NEGR1: variants seen among roughly 807,000 people sequenced by gnomAD.
NEGR1 encodes neuronal growth regulator 1, also known as IgLON family member 4.
In NEGR1, 10 loss-of-function variants were observed where a neutral mutation model predicts 40.9. The ratio of observed to expected loss-of-function variants is 0.24; its 90% CI spans 0.15 to 0.42. The LOEUF is 0.42. Among genes scored for constraint, NEGR1 ranks in the 10% least tolerant of loss-of-function variants. NEGR1 has a pLI of 1.00. For missense variants in NEGR1, 352 were observed against 438.9 expected, an observed-to-expected ratio of 0.80 and a Z score of 1.77; for synonymous variants, 185 against 166.8, an observed-to-expected ratio of 1.11 and a Z score of -0.84.
chr1:71,768,013 A>G (rs185168281), intron 3 of NEGR1, among the ~76,000 whole-genome samples: 7 of 152,316 alleles, frequency 4.6e-5, no homozygotes, highest in African/African-American at 1.7e-4. Flanking sequence ...ATTTCAAAGG[A>G]TGAATGGAAA....
At chr1:71,459,848 G>T (rs553042705) in intron 6 of NEGR1, among the ~76,000 whole-genome samples, 1 of 152,276 alleles carries the variant, frequency 6.6e-6, no homozygotes, top group Admixed American at 6.5e-5. Flanking sequence ...CTTATCCTTT[G>T]AATATTAGCT....
chr1:71,590,709 T>TA (rs1224307067), intron 6 of NEGR1, among the ~76,000 whole-genome samples: 1 of 152,134 alleles, frequency 6.6e-6, no homozygotes, highest in Admixed American at 6.6e-5. Flanking sequence ...CAAGTTTATA[T>TA]AAAAAATAAG....
At chr1:71,456,497 G>C (rs900361822) in intron 6 of NEGR1, among the ~76,000 whole-genome samples, 5 of 152,172 alleles carry the variant, frequency 3.3e-5, no homozygotes, top group African/African-American at 1.2e-4. Flanking sequence ...ACATTATCCA[G>C]ATAACAACGC....
intron 1 of NEGR1, among the ~76,000 whole-genome samples, chr1:71,958,419 C>T (rs1646135824): frequency 6.6e-6 from 1 of 151,994 alleles, no homozygotes. Context: ...ATAAAGGAAT[C>T]CAGATAAAAA....
intron 2 of NEGR1, among the ~76,000 whole-genome samples, chr1:71,919,412 C>T (rs3795700): frequency 0.22 from 33,149 of 151,568 alleles, 3,956 homozygotes; most frequent in Admixed American, 0.36. Context: ...ACAACAACAT[C>T]TTTTGTGGAT....
intron 2 of NEGR1, among the ~76,000 whole-genome samples, chr1:71,825,884 T>C (rs1658601988): frequency 1.3e-5 from 2 of 151,916 alleles, no homozygotes; most frequent in South Asian, 4.1e-4. Flanking sequence ...CATGTATCCC[T>C]TTTACTACTA....
At chr1:71,562,319 C>G (rs1648488015) in intron 6 of NEGR1, among the ~76,000 whole-genome samples, 2 of 151,806 alleles carry the variant, frequency 1.3e-5, no homozygotes, top group Admixed American at 1.3e-4. Flanking sequence ...CTAGAAAGAT[C>G]TTATTTCCTT....
intron 6 of NEGR1, among the ~76,000 whole-genome samples, chr1:71,559,019 G>GTGTGTATATATATATATGTA (rs377263417): frequency 8.8e-6 from 1 of 114,050 alleles, no homozygotes. Flanking sequence ...CTGTGTGTGT[G>GTGTGTATATATATATATGTA]TATATATATA....
chr1:72,011,151 C>A (rs1032549450), intron 1 of NEGR1, among the ~76,000 whole-genome samples: 2 of 152,062 alleles, frequency 1.3e-5, no homozygotes, highest in African/African-American at 2.4e-5. Context: ...CAATGAAGAT[C>A]AATTTGAGCA....
At chr1:71,769,665 G>T (rs377619616) in intron 3 of NEGR1, among the ~76,000 whole-genome samples, 1 of 151,956 alleles carries the variant, frequency 6.6e-6, no homozygotes, top group Non-Finnish European at 1.5e-5. Context: ...CACCATGATT[G>T]TAAGTTTCCT....
At chr1:71,540,160 T>A (rs184518128) in intron 6 of NEGR1, among the ~76,000 whole-genome samples, 2 of 151,736 alleles carry the variant, frequency 1.3e-5, no homozygotes, top group Admixed American at 1.3e-4. Flanking sequence ...CTGGAAAAGA[T>A]CTGATGAGAG....
At chr1:71,492,408 C>T (rs1461988321) in intron 6 of NEGR1, among the ~76,000 whole-genome samples, 5 of 152,002 alleles carry the variant, frequency 3.3e-5, no homozygotes, top group South Asian at 4.1e-4. Flanking sequence ...AACATAAAGA[C>T]CTTTTCCCCA....
chr1:71,474,281 A>ATGTGTGTGTGTGTG (rs112956217), intron 6 of NEGR1, among the ~76,000 whole-genome samples: 6 of 143,530 alleles, frequency 4.2e-5, no homozygotes, highest in African/African-American at 1.0e-4. Flanking sequence ...AAACAGGAAA[A>ATGTGTGTGTGTGTG]TGTGTGTGTG....
chr1:71,708,991 C>A (rs1653992930), intron 3 of NEGR1, among the ~76,000 whole-genome samples: 1 of 152,126 alleles, frequency 6.6e-6, no homozygotes, highest in Admixed American at 6.5e-5. Context: ...CAGTCTATCA[C>A]TGATGGACAT....
In NEGR1 at chr1:71,513,765, G is replaced by C. The variant is rs528519621; in HGVS notation, c.940+79052C>G. Among the ~76,000 whole-genome samples, 82 of 152,192 alleles carry C rather than the reference G, an allele frequency of 5.4e-4. No homozygotes were observed. In the South Asian group the frequency reaches 6.2e-3, roughly 12 times the overall value. On this transcript the variant is annotated intron_variant, in intron 6 of 6. Transcript: ENST00000357731. ...ACAGCTCCGGTCTACAGCTCCCAGC[G>C]TGAGCGACGCAGAAGACGGGTGATT... is the stretch of plus-strand genomic sequence containing the variant.
chr1:71,525,477 C>A (rs1317720774), intron 6 of NEGR1, among the ~76,000 whole-genome samples: 1 of 151,648 alleles, frequency 6.6e-6, no homozygotes, highest in Non-Finnish European at 1.5e-5. Flanking sequence ...TATTTCAATT[C>A]TTCTAATTTC....
chr1:71,460,040 T>C (rs1236164246), intron 6 of NEGR1, among the ~76,000 whole-genome samples: 1 of 152,176 alleles, frequency 6.6e-6, no homozygotes, highest in Non-Finnish European at 1.5e-5. Flanking sequence ...GCTATAAAAG[T>C]CAGCACCATA....
Position 71,986,819 on chromosome 1 carries a change from C to T in NEGR1, c.177-51508G>A, listed in dbSNP as rs562872642. ...GTATTTGCTGCTTTCTAGCAATTCT[C>T]CTGTCAGAGATTTCTCACAGTTCTT... On this transcript the variant is annotated intron_variant, in intron 1 of 6. Transcript: ENST00000357731. Among the ~76,000 whole-genome samples the T allele has an allele frequency of 6.6e-4, 101 of 152,314 alleles. 1 individual carries two copies. Among genetic ancestry groups the T allele is most frequent in the African/African-American group, 2.4e-3 (99 of 41,574 alleles).
intron 1 of NEGR1, among the ~76,000 whole-genome samples, chr1:72,073,371 C>T (rs1647556831): frequency 6.6e-6 from 1 of 152,024 alleles, no homozygotes; most frequent in South Asian, 2.1e-4. Context: ...CTAGGTAATG[C>T]ATCAATTATA....
Sources: allele counts gnomAD v4.1 joint callset (sites outside exome capture counted in the v4.1 genomes callset), GRCh38; gene constraint gnomAD v4.1.1; transcripts MANE v1.5; gene names NCBI Gene and HGNC (gene_info 2026-07-23, HGNC 2026-07-21).